The following GAREM1 variants were observed in gnomAD, a reference collection of about 807,000 sequenced individuals.
The protein encoded by GAREM1 is GRB2-associated and regulator of MAPK protein 1.
In GAREM1, 26 loss-of-function variants were observed where a neutral mutation model predicts 71.3. The observed-to-expected ratio is 0.36, with a 90% CI of 0.27 to 0.51. The LOEUF (loss-of-function observed/expected upper bound fraction) is 0.51, where lower values mean the gene tolerates loss of function less well. GAREM1 is among the 20% of genes least tolerant of loss of function. The pLI, the probability that GAREM1 is intolerant of heterozygous loss-of-function variation, is 0.95. For synonymous variants in GAREM1, 440 were observed against 433.2 expected (o/e 1.02, Z -0.20); for missense variants, 1,026 against 1,103.1 (o/e 0.93, Z 0.99).
chr18:32,269,522 A>G (rs965225069), intron 5 of GAREM1, among the ~76,000 whole-genome samples: 1 of 152,146 alleles, frequency 6.6e-6, no homozygotes, highest in African/African-American at 2.4e-5. Flanking sequence ...TCTTTTGGAG[A>G]AGAGAAGACT....
intron 2 of GAREM1, among the ~76,000 whole-genome samples, chr18:32,387,857 G>A (rs2048163053): frequency 6.6e-6 from 1 of 152,154 alleles, no homozygotes; most frequent in African/African-American, 2.4e-5. Flanking sequence ...AATCTCTGAT[G>A]TAACACATAT....
intron 1 of GAREM1, among the ~76,000 whole-genome samples, chr18:32,444,975 C>T (rs1473275957): frequency 6.6e-6 from 1 of 152,112 alleles, no homozygotes; most frequent in Admixed American, 6.6e-5. Context: ...TGTAGCGTAT[C>T]CTGCCTCCCT....
rs547518434 is a variant in GAREM1, at chr18:32,309,382, A to G, written c.393+811T>C. ...TGTAATCCCAGCACTTTGGGAGGCC[A>G]AGGTGGGCAGATCACGAGGTCAGGA... On this transcript the variant is annotated intron_variant, in intron 3 of 5. Coordinates refer to ENST00000269209, the MANE Select transcript of GAREM1 (RefSeq NM_001242409.2). Among the ~76,000 whole-genome samples, 270 of 149,074 alleles carry G rather than the reference A, an allele frequency of 1.8e-3. 20 individuals are homozygous for G. Among genetic ancestry groups the G allele is most frequent in the African/African-American group, 6.6e-3 (265 of 40,054 alleles).
intron 2 of GAREM1, among the ~76,000 whole-genome samples, chr18:32,351,497 G>A (rs1317691218): frequency 1.3e-5 from 2 of 152,116 alleles, no homozygotes. Context: ...TCAAGGGCCT[G>A]TGTGAACTGA....
chr18:32,467,051 T>A (rs1344185859), intron 1 of GAREM1, among the ~76,000 whole-genome samples: 2 of 152,138 alleles, frequency 1.3e-5, no homozygotes, highest in Non-Finnish European at 2.9e-5. Flanking sequence ...ATTGGAGAGT[T>A]CTTTATATAT....
At chr18:32,377,572 T>C (rs1243483186) in intron 2 of GAREM1, among the ~76,000 whole-genome samples, 1 of 152,138 alleles carries the variant, frequency 6.6e-6, no homozygotes, top group African/African-American at 2.4e-5. Context: ...GAAGATTATT[T>C]CTTTTTTTTG....
At chr18:32,453,016 A>G (rs1390688686) in intron 1 of GAREM1, among the ~76,000 whole-genome samples, 3 of 152,128 alleles carry the variant, frequency 2.0e-5, no homozygotes. Flanking sequence ...GCTGCTGATA[A>G]AGACATACCC....
chr18:32,418,687 G>A (rs2048489189), intron 1 of GAREM1, among the ~76,000 whole-genome samples: 1 of 152,084 alleles, frequency 6.6e-6, no homozygotes. Flanking sequence ...GAACCAATAA[G>A]ATCGAACTGG....
intron 1 of GAREM1, among the ~76,000 whole-genome samples, chr18:32,441,045 G>C (rs2048731814): frequency 6.6e-6 from 1 of 151,984 alleles, no homozygotes; most frequent in Admixed American, 6.6e-5. Context: ...CCTCTTACAA[G>C]TGATGCTTAA....
At chr18:32,300,089 T>C (rs1216579933) in intron 3 of GAREM1, among the ~76,000 whole-genome samples, 1 of 152,176 alleles carries the variant, frequency 6.6e-6, no homozygotes, top group East Asian at 1.9e-4. Context: ...AAGTGTATTA[T>C]AAAATACTGA....
At position 32,268,154 on chromosome 18, in the gene GAREM1, A is replaced by G; in HGVS notation, c.2348T>C (p.Phe783Ser). ...CAGCTGGAGATGGAGCGGAGATGAG[A>G]AAGGGTAGGAGGCAGAGAAGATGTC... ...MQDIFSASYP[F>S]SSPLHLQLAP... The change falls in exon 6 of 6, where the codon TTC becomes TCC. Residue 783 changes from phenylalanine to serine, a missense_variant. By Grantham distance (155) the Phe-to-Ser change is radical. Around this residue, in one of 3 missense-constraint regions of GAREM1, gnomAD observed 636 missense variants for 631.2 expected, o/e 1.01. Transcript: ENST00000269209. 13 of 1,613,992 alleles carry G rather than the reference A, an allele frequency of 8.1e-6. No individual in the cohort carries two copies. The highest frequency in any genetic ancestry group is 1.3e-5 in the African/African-American group (1 of 74,992).
intron 2 of GAREM1, among the ~76,000 whole-genome samples, chr18:32,369,119 T>C (rs2144623438): frequency 6.6e-6 from 1 of 152,320 alleles, no homozygotes; most frequent in East Asian, 1.9e-4. Flanking sequence ...CACAAGTGCA[T>C]GTTATCAGAG....
chr18:32,279,718 G>A (rs527407704), intron 4 of GAREM1, among the ~76,000 whole-genome samples: 3 of 152,176 alleles, frequency 2.0e-5, no homozygotes, highest in African/African-American at 7.2e-5. Context: ...CTCCCCCAAC[G>A]CCAGGTCCGT....
intron 1 of GAREM1, chr18:32,413,314 T>G: frequency 9.6e-7 from 1 of 1,041,368 alleles, no homozygotes; most frequent in South Asian, 1.5e-5. Flanking sequence ...AAAATACCGC[T>G]TAGCCTTAAA....
chr18:32,298,558 T>C (rs555509077), intron 3 of GAREM1, among the ~76,000 whole-genome samples: 1 of 152,166 alleles, frequency 6.6e-6, no homozygotes, highest in East Asian at 1.9e-4. Context: ...ACTATCAGGG[T>C]TTTACTTTTT....
intron 2 of GAREM1, among the ~76,000 whole-genome samples, chr18:32,346,021 T>C (rs2047692560): frequency 6.6e-6 from 1 of 152,174 alleles, no homozygotes; most frequent in Admixed American, 6.5e-5. Context: ...AGTTTCAAGT[T>C]CTCCACTAAA....
intron 2 of GAREM1, among the ~76,000 whole-genome samples, chr18:32,317,339 A>C (rs765888251): frequency 6.9e-6 from 1 of 144,698 alleles, no homozygotes; most frequent in Non-Finnish European, 1.5e-5. Context: ...CAGGAGGCAT[A>C]GGTTGCAGTG....
At chr18:32,403,618 C>A (rs2048337628) in intron 1 of GAREM1, among the ~76,000 whole-genome samples, 1 of 152,150 alleles carries the variant, frequency 6.6e-6, no homozygotes, top group African/African-American at 2.4e-5. Flanking sequence ...CTCTGTCACC[C>A]AGTCTGGAGT....
At chr18:32,403,835 C>T (rs563345029) in intron 1 of GAREM1, among the ~76,000 whole-genome samples, 31 of 152,254 alleles carry the variant, frequency 2.0e-4, no homozygotes, top group South Asian at 6.2e-4. Context: ...GCTATGAGTA[C>T]GTGAATCTTA....
Sources: gnomAD v4.1 joint callset for allele counts (sites outside exome capture counted in the v4.1 genomes callset) on GRCh38, gnomAD v4.1.1 for gene constraint, gnomAD v4.1.1 regional missense constraint, MANE v1.5 for transcripts, NCBI Gene and HGNC (gene_info 2026-07-23, HGNC 2026-07-21) for gene names.